The following MPP2 variants were observed in gnomAD, a reference collection of about 807,000 sequenced individuals.
The protein encoded by MPP2 is MAGUK p55 subfamily member 2.
A neutral mutation model predicts 58.5 loss-of-function variants in MPP2; 42 were observed. That is an observed-to-expected ratio of 0.72 (90% confidence interval 0.56 to 0.93). MPP2 has a LOEUF of 0.93. Ranked by LOEUF, MPP2 falls within the 40% of genes least tolerant of loss-of-function variation. MPP2 has a pLI of 0.00. For synonymous variants in MPP2, 300 were observed against 307.8 expected, an observed-to-expected ratio of 0.97 and a Z score of 0.26; for missense variants, 632 against 760.4, an observed-to-expected ratio of 0.83 and a Z score of 1.99.
At chr17:43,900,338 C>T (rs1358904332) in intron 2 of MPP2, 1 of 1,006,334 alleles carries the variant, frequency 9.9e-7, no homozygotes, top group African/African-American at 1.6e-5. Context: ...TGCCCTCTGC[C>T]CAGGACAGCT....
intron 2 of MPP2, among the ~76,000 whole-genome samples, chr17:43,902,821 G>A (rs2048147561): frequency 6.6e-6 from 1 of 152,216 alleles, no homozygotes; most frequent in African/African-American, 2.4e-5. Context: ...GTTCCCAGCT[G>A]CCCGGGCCTC....
chr17:43,891,635 C>T (rs1420559027), intron 3 of MPP2, among the ~76,000 whole-genome samples: 2 of 152,114 alleles, frequency 1.3e-5, no homozygotes, highest in East Asian at 3.9e-4. Context: ...GTGGCTCACA[C>T]CTGTAATCCT....
At position 43,876,669 on chromosome 17, in the gene MPP2, GCACACACATA is replaced by G. The variant is rs530084948; in HGVS notation, c.*1128_*1137del. The G allele has an allele frequency of 5.4e-3, 189 of 34,700 alleles. No individual in the cohort carries two copies. Among genetic ancestry groups the G allele is most frequent in the African/African-American group, 6.9e-3 (174 of 25,116 alleles). The allele number at this position is 34,700 out of a possible 1,614,324, so 2.1% of individuals were successfully genotyped here. On this transcript the variant is annotated 3_prime_UTR_variant, in exon 13 of 13. Coordinates refer to ENST00000269095, the MANE Select transcript of MPP2 (RefSeq NM_005374.5). ...CACACACACACACGCACGTGCACAC[GCACACACATA>G]CACACAACCTGGTGCCAGAGGCACA...
At chr17:43,907,841 G>C (rs1345970916), upstream of MPP2, 1 of 985,300 alleles carries the variant, frequency 1.0e-6, no homozygotes, top group Non-Finnish European at 1.2e-6. Flanking sequence ...TAATGAGACC[G>C]GCTTGATTAC....
chr17:43,879,209 C>T lies in MPP2; in HGVS notation c.1482+66G>A. The T allele has an allele frequency of 6.4e-7, 1 of 1,554,662 alleles. No homozygotes were observed. Among genetic ancestry groups the T allele is most frequent in the South Asian group, 1.2e-5 (1 of 83,062 alleles). ...AACACCACCTCCTTCTCTCTGTCAG[C>T]TCAGGCCTGTCCCCCACCACCCTAG... On this transcript the variant is annotated intron_variant, in intron 12 of 12. Coordinates refer to ENST00000269095, the MANE Select transcript of MPP2 (RefSeq NM_005374.5). This position sits in a 1 kb window ranked among gnomAD's most constrained non-coding sequence, Gnocchi z 4.1.
upstream of MPP2, chr17:43,907,727 C>G (rs1362978933): frequency 5.1e-6 from 5 of 985,376 alleles, no homozygotes; most frequent in African/African-American, 8.7e-5. Flanking sequence ...CGACGCCCTG[C>G]TGGAGTCCCA....
chr17:43,877,776 A>G lies in MPP2; in HGVS notation c.*31T>C. 1 of 1,588,488 alleles carries G rather than the reference A, an allele frequency of 6.3e-7. No homozygotes were observed. The highest frequency in any genetic ancestry group is 8.6e-7 in the Non-Finnish European group (1 of 1,158,748). Reference sequence around the variant, plus strand: ...ATGGATTCAGGTTCTGGGTTTCAACACAGAGTGAGCCAAAGACCAGGTGAA... The same window carrying G: ...ATGGATTCAGGTTCTGGGTTTCAACGCAGAGTGAGCCAAAGACCAGGTGAA... On this transcript the variant is annotated 3_prime_UTR_variant, in exon 13 of 13. Coordinates refer to ENST00000269095, the MANE Select transcript of MPP2 (RefSeq NM_005374.5).
rs1240555031 is a variant in MPP2 at position 43,879,460 on chromosome 17, G to C, written c.1354-57C>G. On this transcript the variant is annotated intron_variant, in intron 11 of 12. Transcript: ENST00000269095. This position sits in a 1 kb window ranked among gnomAD's most constrained non-coding sequence, Gnocchi z 4.1. ...ATCCCCATGTCTGTCCTAGGAACCA[G>C]AGAAAGGCTGTGAGGGTAACTGGGG... 15 of 1,600,866 alleles carry C rather than the reference G, an allele frequency of 9.4e-6. No homozygotes were observed. Among genetic ancestry groups the C allele is most frequent in the Non-Finnish European group, 1.3e-5 (15 of 1,170,760 alleles).
At chr17:43,884,086 C>T (rs917818839) in intron 3 of MPP2, 6 of 702,514 alleles carry the variant, frequency 8.5e-6, no homozygotes, top group Admixed American at 4.0e-5. Flanking sequence ...CACTTTACCC[C>T]AAAGTATTTC....
chr17:43,900,534 T>C, intron 2 of MPP2: 1 of 1,540,692 alleles, frequency 6.5e-7, no homozygotes, highest in Non-Finnish European at 8.8e-7. Context: ...GAGACCCCGC[T>C]GCCTGGGCTG....
intron 2 of MPP2, chr17:43,900,690 G>A: frequency 3.6e-6 from 5 of 1,393,306 alleles, no homozygotes; most frequent in Non-Finnish European, 4.7e-6. Context: ...GGAAGGCTCA[G>A]CCGCCGTGAC....
intron 2 of MPP2, among the ~76,000 whole-genome samples, chr17:43,903,715 C>T (rs1354195970): frequency 2.0e-5 from 3 of 152,160 alleles, no homozygotes; most frequent in African/African-American, 4.8e-5. Context: ...TTGGTGGCAG[C>T]GGCAGCAACA....
intron 3 of MPP2, among the ~76,000 whole-genome samples, chr17:43,893,937 A>G (rs529723032): frequency 4.3e-4 from 65 of 152,150 alleles, no homozygotes; most frequent in African/African-American, 1.5e-3. Context: ...AATCTCAAAA[A>G]CAGAAGCACC....
At chr17:43,890,431 CTCTGT>C (rs551977695) in intron 3 of MPP2, among the ~76,000 whole-genome samples, 6 of 152,152 alleles carry the variant, frequency 3.9e-5, no homozygotes, top group African/African-American at 1.2e-4. Flanking sequence ...CCAGCCTGCA[CTCTGT>C]TCTGTTTGCT....
In MPP2 at chr17:43,877,906, C is replaced by T. The variant is rs753558460; in HGVS notation, c.1560G>A (p.Leu520=). Residue 520 remains leucine, a synonymous_variant, in exon 13 of 13, where the codon CTG becomes CTA. Coordinates refer to ENST00000269095, the MANE Select transcript of MPP2 (RefSeq NM_005374.5). ...RGYGHYFDLC[L]VNSNLERTFR... is the part of the protein sequence containing the mutation. ...AGGTCCTCTCCAGGTTGCTATTGAC[C>T]AGGCAGAGGTCAAAGTAGTGCCCGT... The T allele has an allele frequency of 3.1e-6, 5 of 1,613,980 alleles. No homozygotes were observed. The South Asian group carries it at 4.4e-5, about 14-fold the overall frequency.
In MPP2 at chr17:43,882,002, C is replaced by G. The variant is rs1422704713; in HGVS notation, c.681+282G>C. On this transcript the variant is annotated intron_variant, in intron 6 of 12. Transcript: ENST00000269095. ...ATGACAACCCCACCCTGCGCACGCG[C>G]ACAAACGTGAAGAACGCTGACCATA... 3.3e-5 allele frequency among the ~76,000 whole-genome samples: 5 copies of G among 152,222 alleles called. No individual in the cohort carries two copies. The East Asian group carries it at 9.6e-4, about 29-fold the overall frequency.
In MPP2 at chr17:43,879,229, C is replaced by A. The variant is rs2046985972; in HGVS notation, c.1482+46G>T. The A allele has an allele frequency of 1.3e-6, 2 of 1,583,714 alleles. No individual in the cohort carries two copies. The highest frequency in any genetic ancestry group is 2.3e-5 in the East Asian group (1 of 44,336). ...GTCAGCTCAGGCCTGTCCCCCACCA[C>A]CCTAGGCAGCTATCAGACCCCTCCC... On this transcript the variant is annotated intron_variant, in intron 12 of 12. Transcript: ENST00000269095. The surrounding 1 kb of genome is among the most constrained non-coding windows in gnomAD (Gnocchi z 4.1).
chr17:43,884,023 A>G (rs11651676), intron 3 of MPP2: 6,987 of 691,498 alleles, frequency 0.01, 69 homozygotes, highest in Non-Finnish European at 0.015. Context: ...AATATATATG[A>G]AGACCATTTT....
intron 2 of MPP2, among the ~76,000 whole-genome samples, chr17:43,899,521 A>G (rs975956729): frequency 3.3e-5 from 5 of 152,084 alleles, no homozygotes; most frequent in African/African-American, 1.2e-4. Flanking sequence ...TGTAAAATGG[A>G]TGGATTGGGC....
Sources: allele counts gnomAD v4.1 joint callset (sites outside exome capture counted in the v4.1 genomes callset), GRCh38; gene constraint gnomAD v4.1.1; non-coding constraint Gnocchi (gnomAD v3.1); transcripts MANE v1.5; gene names NCBI Gene and HGNC (gene_info 2026-07-23, HGNC 2026-07-21).